CPED1: variants seen among roughly 807,000 people sequenced by gnomAD.
CPED1 encodes the protein cadherin like and PC-esterase domain containing 1.
In CPED1, 114 loss-of-function variants were observed where a neutral mutation model predicts 128.2. The ratio of observed to expected loss-of-function variants is 0.89; its 90% CI spans 0.76 to 1.04. The LOEUF is 1.04. Among genes scored for constraint, CPED1 ranks in the 50% least tolerant of loss-of-function variants. The probability of loss-of-function intolerance (pLI) is 0.00; values close to 1 mark genes in which losing one functional copy is unlikely to be tolerated. For missense variants in CPED1, 1,211 were observed against 1,207.1 expected (o/e 1.00, Z -0.05); for synonymous variants, 462 against 426.7 (o/e 1.08, Z -1.02).
intron 16 of CPED1, among the ~76,000 whole-genome samples, chr7:121,196,018 G>A (rs762118907): frequency 6.6e-6 from 1 of 152,010 alleles, no homozygotes; most frequent in African/African-American, 2.4e-5. Context: ...GGGAGATGGT[G>A]TTTAGTGGGT....
At chr7:121,256,577 A>G (rs983990018) in intron 18 of CPED1, among the ~76,000 whole-genome samples, 4 of 152,092 alleles carry the variant, frequency 2.6e-5, no homozygotes, top group Non-Finnish European at 5.9e-5. Context: ...TGCAGAGCAA[A>G]AAGAACACTT....
chr7:121,250,935 G>GA (rs1159101212), intron 18 of CPED1, among the ~76,000 whole-genome samples: 1 of 151,932 alleles, frequency 6.6e-6, no homozygotes, highest in African/African-American at 2.4e-5. Context: ...CCAATCAATA[G>GA]AAAAAAAGGG....
chr7:121,111,273 CTCTCTGCCTT>C (rs1288508513), intron 7 of CPED1, among the ~76,000 whole-genome samples: 1 of 152,174 alleles, frequency 6.6e-6, no homozygotes, highest in Admixed American at 6.6e-5. Flanking sequence ...TTCACTTCCT[CTCTCTGCCTT>C]TCTTCTCCCC....
chr7:121,274,684 A>C (rs1304104460), intron 22 of CPED1, among the ~76,000 whole-genome samples: 1 of 152,118 alleles, frequency 6.6e-6, no homozygotes, highest in African/African-American at 2.4e-5. Flanking sequence ...ACTCTTGAAC[A>C]ATTTGTACCC....
chr7:121,246,593 T>C (rs537705104), intron 18 of CPED1, among the ~76,000 whole-genome samples: 32 of 152,336 alleles, frequency 2.1e-4, no homozygotes, highest in Admixed American at 2.0e-3. Flanking sequence ...CATTATGACC[T>C]TATCTAAACG....
At chr7:121,246,864 T>C (rs1798551834) in intron 18 of CPED1, among the ~76,000 whole-genome samples, 1 of 152,254 alleles carries the variant, frequency 6.6e-6, no homozygotes, top group Admixed American at 6.5e-5. Context: ...GTTAGCTTGC[T>C]GCACAGCAAA....
intron 3 of CPED1, among the ~76,000 whole-genome samples, chr7:121,042,555 CT>C (rs1368730848): frequency 5.3e-5 from 8 of 152,220 alleles, no homozygotes; most frequent in Admixed American, 5.2e-4. Context: ...TGTTGCTTCC[CT>C]GTTTTCAAAG....
chr7:121,023,811 C>T (rs1792501892), intron 3 of CPED1, among the ~76,000 whole-genome samples: 1 of 152,154 alleles, frequency 6.6e-6, no homozygotes, highest in Admixed American at 6.6e-5. Flanking sequence ...CAGCACCCTA[C>T]TGCTTTCCTG....
intron 16 of CPED1, among the ~76,000 whole-genome samples, chr7:121,162,439 A>T (rs186462008): frequency 6.6e-6 from 1 of 152,362 alleles, no homozygotes; most frequent in Admixed American, 6.5e-5. Context: ...CACAGAGAAC[A>T]TCAGTTCATG....
intron 6 of CPED1, among the ~76,000 whole-genome samples, chr7:121,098,158 G>T (rs1297764413): frequency 6.6e-6 from 1 of 152,062 alleles, no homozygotes; most frequent in East Asian, 1.9e-4. Context: ...CTTTGCCTTA[G>T]ACTATGAATA....
intron 16 of CPED1, among the ~76,000 whole-genome samples, chr7:121,159,869 T>A (rs1796374647): frequency 6.6e-6 from 1 of 152,230 alleles, no homozygotes; most frequent in South Asian, 2.1e-4. Context: ...AATTAAATGA[T>A]ACTGTTCAAA....
intron 16 of CPED1, among the ~76,000 whole-genome samples, chr7:121,185,494 C>T (rs1220694980): frequency 6.6e-6 from 1 of 151,994 alleles, no homozygotes; most frequent in African/African-American, 2.4e-5. Context: ...ATATACAAAA[C>T]TTGATGCCTA....
chr7:121,044,920 T>A (rs987734391), intron 3 of CPED1, among the ~76,000 whole-genome samples: 1 of 152,170 alleles, frequency 6.6e-6, no homozygotes, highest in African/African-American at 2.4e-5. Context: ...CCTCTGTGCA[T>A]ATCCTTATCT....
intron 9 of CPED1, among the ~76,000 whole-genome samples, chr7:121,126,481 A>T (rs1224920866): frequency 6.6e-6 from 1 of 152,148 alleles, no homozygotes; most frequent in African/African-American, 2.4e-5. Flanking sequence ...AACATAAAAA[A>T]TAATTTATTA....
chr7:121,128,377 T>C lies in CPED1; in HGVS notation c.1303-5T>C, dbSNP rs199821017. The stretch of plus-strand genomic sequence containing the variant: ...TGCTTAAGTTCTTTCCCCCTACCAA[T>C]ACAGGGTGAAAACTATCAAAAGGAA... On this transcript the variant is annotated splice_polypyrimidine_tract_variant and splice_region_variant and intron_variant, in intron 10 of 22. Coordinates refer to ENST00000310396, the MANE Select transcript of CPED1 (RefSeq NM_024913.5). The C allele has an allele frequency of 1.3e-6, 2 of 1,493,434 alleles. No homozygotes were observed. Among genetic ancestry groups the C allele is most frequent in the Non-Finnish European group, 1.9e-6 (2 of 1,070,792 alleles). The allele number at this position is 1,493,434 out of a possible 1,614,324, so 92.5% of individuals were successfully genotyped here.
chr7:121,001,255 T>A (rs1169903497), intron 2 of CPED1, among the ~76,000 whole-genome samples: 1 of 152,146 alleles, frequency 6.6e-6, no homozygotes, highest in African/African-American at 2.4e-5. Flanking sequence ...CTCAAGAAAG[T>A]CACTTTGACT....
At chr7:121,213,344 A>G (rs1409600592) in intron 16 of CPED1, among the ~76,000 whole-genome samples, 1 of 152,000 alleles carries the variant, frequency 6.6e-6, no homozygotes, top group Non-Finnish European at 1.5e-5. Flanking sequence ...AAGAATGATA[A>G]TATCTACCTC....
At chr7:121,076,240 A>AAAT (rs922321222) in intron 5 of CPED1, among the ~76,000 whole-genome samples, 58 of 152,302 alleles carry the variant, frequency 3.8e-4, no homozygotes, top group African/African-American at 1.3e-3. Context: ...GCTATGGGGC[A>AAAT]AATAATAAGG....
Position 121,099,912 on chromosome 7 carries a change from T to G in CPED1, c.750-14T>G. 2.0e-6 allele frequency: 3 copies of G among 1,529,074 alleles called. No individual in the cohort carries two copies. The highest frequency in any genetic ancestry group is 2.7e-6 in the Non-Finnish European group (3 of 1,123,984). 94.7% of individuals were successfully genotyped at this position (1,529,074 alleles called of 1,614,324 possible). The stretch of plus-strand genomic sequence containing the variant: ...ACATTATGGAGCGCTAACTATGTTT[T>G]TTTTTTTTTTTAGGAATGAAACGAC... On this transcript the variant is annotated splice_polypyrimidine_tract_variant and intron_variant, in intron 6 of 22. Transcript: ENST00000310396.
Sources: allele counts gnomAD v4.1 joint callset (sites outside exome capture counted in the v4.1 genomes callset), GRCh38; gene constraint gnomAD v4.1.1; transcripts MANE v1.5; gene names NCBI Gene and HGNC (gene_info 2026-07-23, HGNC 2026-07-21).